The following ANKRD50 variants were observed in gnomAD, a reference collection of about 807,000 sequenced individuals.
ANKRD50 encodes the protein ankyrin repeat domain-containing protein 50.
Under a neutral mutation model 112.0 loss-of-function variants are expected in ANKRD50, and 40 were observed. The observed-to-expected ratio is 0.36, with a 90% confidence interval of 0.28 to 0.46. ANKRD50 has a LOEUF of 0.46. Ranked by LOEUF, ANKRD50 falls within the 20% of genes least tolerant of loss-of-function variation. The pLI is 1.00. For missense variants in ANKRD50, 1,487 were observed against 1,701.7 expected (o/e 0.87, Z 2.22); for synonymous variants, 613 against 619.1 (o/e 0.99, Z 0.15).
intron 2 of ANKRD50, among the ~76,000 whole-genome samples, chr4:124,705,694 T>G (rs1232062113): frequency 1.3e-5 from 2 of 152,124 alleles, no homozygotes; most frequent in Admixed American, 6.5e-5. Flanking sequence ...CTCACTAACT[T>G]AGTTGCTTGA....
At chr4:124,708,691 T>C (rs887830687) in intron 2 of ANKRD50, among the ~76,000 whole-genome samples, 7 of 145,668 alleles carry the variant, frequency 4.8e-5, no homozygotes, top group Non-Finnish European at 7.6e-5. Context: ...TACTAACACA[T>C]ACACACACAC....
rs1459611038 is a variant in ANKRD50, at chr4:124,671,294, C to G, written c.1983G>C (p.Leu661=). The part of the protein sequence containing the change: ...AAWGGHEDIV[L]NLLQHGAEVN... ...CTTCAGCGCCATGTTGTAGCAAATT[C>G]AGTACAATATCCTCGTGTCCTCCCC... is the stretch of plus-strand genomic sequence containing the variant. Residue 661 remains leucine, a synonymous_variant, in exon 4 of 5, where the codon CTG becomes CTC. Transcript: ENST00000504087. 6.2e-7 allele frequency: 1 copy of G among 1,613,824 alleles called. No homozygotes were observed.
At chr4:124,703,257 C>A (rs531273961) in intron 2 of ANKRD50, among the ~76,000 whole-genome samples, 3 of 152,060 alleles carry the variant, frequency 2.0e-5, no homozygotes, top group African/African-American at 4.8e-5. Flanking sequence ...TTGAGCAGTA[C>A]GTTCACAGGC....
chr4:124,699,168 G>T lies in ANKRD50; in HGVS notation c.512+10832C>A, dbSNP rs116133187. Among the ~76,000 whole-genome samples the T allele has an allele frequency of 3.2e-3, 483 of 151,492 alleles. 1 individual carries two copies. The highest frequency in any genetic ancestry group is 0.011 in the African/African-American group (455 of 41,280). On this transcript the variant is annotated intron_variant, in intron 2 of 4. Transcript: ENST00000504087. ...GAGTGTGTGTGAGTAGAGTAGATCT[G>T]AATTAGAAAGGATACCCAGGGACTT...
At chr4:124,708,818 T>TA in intron 2 of ANKRD50, among the ~76,000 whole-genome samples, 1 of 151,714 alleles carries the variant, frequency 6.6e-6, no homozygotes, top group Non-Finnish European at 1.5e-5. Flanking sequence ...TCCTCATCTA[T>TA]AAAATGGGAG....
chr4:124,705,446 A>G (rs1725484616), intron 2 of ANKRD50, among the ~76,000 whole-genome samples: 1 of 152,188 alleles, frequency 6.6e-6, no homozygotes, highest in African/African-American at 2.4e-5. Context: ...ACACAGAACA[A>G]AATATTTCTA....
chr4:124,705,503 TA>T (rs1448397104), intron 2 of ANKRD50, among the ~76,000 whole-genome samples: 3 of 152,192 alleles, frequency 2.0e-5, no homozygotes, highest in Non-Finnish European at 2.9e-5. Context: ...TGCAGACTGT[TA>T]ACAAGAAATA....
At chr4:124,693,796 G>A (rs548221487) in intron 2 of ANKRD50, among the ~76,000 whole-genome samples, 5 of 152,184 alleles carry the variant, frequency 3.3e-5, no homozygotes, top group South Asian at 2.1e-4. Flanking sequence ...CTAAATGTAC[G>A]TTTTGATGAT....
rs200726919 is a variant in ANKRD50 at position 124,671,432 on chromosome 4, T to C, written c.1845A>G (p.Leu615=). Reference sequence around the variant, plus strand: ...TATGGCCACCCCAAGCAGCAGATCTTAATGCTGTCCAACCATCTTGATCAG... The same window carrying C: ...TATGGCCACCCCAAGCAGCAGATCTCAATGCTGTCCAACCATCTTGATCAG... The part of the protein sequence containing the change: ...NHTDQDGWTA[L]RSAAWGGHTE... The change falls in exon 4 of 5, where the codon TTA becomes TTG. Residue 615 remains leucine (L), a synonymous_variant. Coordinates refer to ENST00000504087, the MANE Select transcript of ANKRD50 (RefSeq NM_020337.3). 2 of 1,613,830 alleles carry C rather than the reference T, an allele frequency of 1.2e-6. No homozygotes were observed. Among genetic ancestry groups the C allele is most frequent in the African/African-American group, 2.7e-5 (2 of 74,990 alleles).
At chr4:124,690,560 A>G (rs1392268212) in intron 2 of ANKRD50, among the ~76,000 whole-genome samples, 2 of 152,254 alleles carry the variant, frequency 1.3e-5, no homozygotes, top group Non-Finnish European at 1.5e-5. Context: ...ACAATACAAT[A>G]AACAGTACAA....
At chr4:124,678,323 C>T (rs895691546) in intron 3 of ANKRD50, among the ~76,000 whole-genome samples, 1 of 151,794 alleles carries the variant, frequency 6.6e-6, no homozygotes, top group Non-Finnish European at 1.5e-5. Context: ...GAAACTCTGA[C>T]AGTGTGCTTT....
chr4:124,667,901 T>C (rs1240479696), intron 4 of ANKRD50, among the ~76,000 whole-genome samples: 1 of 151,996 alleles, frequency 6.6e-6, no homozygotes, highest in Admixed American at 6.6e-5. Context: ...TGTTTATTAT[T>C]AGAATATATG....
chr4:124,710,303 G>A lies in ANKRD50; in HGVS notation c.209C>T (p.Ala70Val), dbSNP rs756650689. Residue 70 changes from alanine (A) to valine (V), a missense_variant, in exon 2 of 5, where the codon GCC becomes GTC. Around this residue, in one of 2 missense-constraint regions of ANKRD50, gnomAD observed 1,046 missense variants for 1,269.5 expected, o/e 0.82. Transcript: ENST00000504087. ...NASGVSGKGA[A>V]WGVLLVGGPG... ...CCCTCCTACCAACAACACACCCCAG[G>A]CAGCTCCCTTTCCAGAGACACCACT... 75 of 1,613,986 alleles carry A rather than the reference G, an allele frequency of 4.6e-5. No homozygotes were observed. Among genetic ancestry groups the A allele is most frequent in the East Asian group, 6.7e-5 (3 of 44,892 alleles).
At chr4:124,674,832 A>G (rs1383105727) in intron 3 of ANKRD50, among the ~76,000 whole-genome samples, 3 of 151,848 alleles carry the variant, frequency 2.0e-5, no homozygotes, top group Non-Finnish European at 2.9e-5. Flanking sequence ...AGAAATTACC[A>G]TGTTCTTTAC....
chr4:124,704,674 A>T (rs1304994962), intron 2 of ANKRD50, among the ~76,000 whole-genome samples: 1 of 152,270 alleles, frequency 6.6e-6, no homozygotes, highest in Non-Finnish European at 1.5e-5. Flanking sequence ...CAGTCATTTA[A>T]CAATTATTAT....
rs1217402779 is a variant in ANKRD50 at position 124,664,752 on chromosome 4, A to C, written c.*2766T>G. 1 of 152,146 alleles carries C rather than the reference A, an allele frequency of 6.6e-6. No homozygotes were observed. The highest frequency in any genetic ancestry group is 1.5e-5 in the Non-Finnish European group (1 of 67,912). 9.4% of individuals were successfully genotyped at this position (152,146 alleles called of 1,614,324 possible). A position where few individuals can be genotyped will look rare whatever the true frequency, so the allele number is the denominator to read the frequency against. The stretch of plus-strand genomic sequence containing the variant: ...AGAAAAGTATTTACTTCTGTTTTTT[A>C]AGTATCAAACTATTTTTGGTGAGAA... On this transcript the variant is annotated 3_prime_UTR_variant, in exon 5 of 5. Transcript: ENST00000504087.
intron 2 of ANKRD50, among the ~76,000 whole-genome samples, chr4:124,693,982 A>G (rs1336326188): frequency 6.6e-6 from 1 of 152,192 alleles, no homozygotes; most frequent in East Asian, 1.9e-4. Flanking sequence ...TAAGATGAGA[A>G]GTAGAAAAAA....
Position 124,664,373 on chromosome 4 carries a change from A to C in ANKRD50, c.*3145T>G, listed in dbSNP as rs1011328101. 1.3e-5 allele frequency: 2 copies of C among 152,062 alleles called. No homozygotes were observed. The highest frequency in any genetic ancestry group is 2.9e-5 in the Non-Finnish European group (2 of 67,906). The allele number at this position is 152,062 out of a possible 1,614,324, so 9.4% of individuals were successfully genotyped here. On this transcript the variant is annotated 3_prime_UTR_variant, in exon 5 of 5. Coordinates refer to ENST00000504087, the MANE Select transcript of ANKRD50 (RefSeq NM_020337.3). ...TTCTTTGCAAAATGTTTCCAAATTC[A>C]TTTGCTCAGGATTTATTTAAGATAA... is the stretch of plus-strand genomic sequence containing the variant.
chr4:124,693,901 C>A (rs1006959882), intron 2 of ANKRD50, among the ~76,000 whole-genome samples: 6 of 152,140 alleles, frequency 3.9e-5, no homozygotes, highest in Non-Finnish European at 5.9e-5. Context: ...GCTGACACAT[C>A]TGCCTATCAC....
Sources: gnomAD v4.1 joint callset for allele counts (sites outside exome capture counted in the v4.1 genomes callset) on GRCh38, gnomAD v4.1.1 for gene constraint, gnomAD v4.1.1 regional missense constraint, MANE v1.5 for transcripts, NCBI Gene and HGNC (gene_info 2026-07-23, HGNC 2026-07-21) for gene names.